GATA6: variants seen among roughly 807,000 people sequenced by gnomAD.
The protein encoded by GATA6 is GATA binding protein 6.
A neutral mutation model predicts 48.1 loss-of-function variants in GATA6; 11 were observed. The ratio of observed to expected loss-of-function variants is 0.23; its 90% CI spans 0.14 to 0.38. The LOEUF is 0.38. Ranked by LOEUF, GATA6 falls within the 10% of genes least tolerant of loss-of-function variation. The probability of loss-of-function intolerance (pLI) is 1.00; values close to 1 mark genes in which losing one functional copy is unlikely to be tolerated. For missense variants in GATA6, 795 were observed against 850.3 expected, an observed-to-expected ratio of 0.93 and a Z score of 0.81; for synonymous variants, 419 against 396.1, an observed-to-expected ratio of 1.06 and a Z score of -0.69.
chr18:22,193,257 T>A (rs1171677654), intron 6 of GATA6, among the ~76,000 whole-genome samples: 2 of 152,230 alleles, frequency 1.3e-5, no homozygotes, highest in African/African-American at 4.8e-5. Flanking sequence ...TTTTCACATG[T>A]CCTGGTGGAG....
At chr18:22,177,391 G>T (rs1467285609) in intron 3 of GATA6, among the ~76,000 whole-genome samples, 1 of 152,170 alleles carries the variant, frequency 6.6e-6, no homozygotes, top group Non-Finnish European at 1.5e-5. Context: ...AGGGGATGAC[G>T]TCCGTAAATG....
chr18:22,191,048 TG>T (rs2033322557), intron 6 of GATA6, among the ~76,000 whole-genome samples: 1 of 145,126 alleles, frequency 6.9e-6, no homozygotes, highest in East Asian at 2.0e-4. Flanking sequence ...TGTGTGTGTG[TG>T]TGTGTGTGTG....
At chr18:22,193,947 A>G (rs1318334091) in intron 6 of GATA6, among the ~76,000 whole-genome samples, 1 of 151,826 alleles carries the variant, frequency 6.6e-6, no homozygotes, top group Non-Finnish European at 1.5e-5. Context: ...CCTCCCCATT[A>G]TGGGATGTGC....
At chr18:22,177,387 T>A (rs867020921) in intron 3 of GATA6, among the ~76,000 whole-genome samples, 70 of 152,276 alleles carry the variant, frequency 4.6e-4, no homozygotes, top group African/African-American at 1.7e-3. Flanking sequence ...GCGCAGGGGA[T>A]GACGTCCGTA....
chr18:22,172,156 TCGCCCTACGTGGGGG>T lies in GATA6; in HGVS notation c.1017_1031del (p.Tyr340_Pro344del). 7.6e-7 allele frequency: 1 copy of T among 1,313,462 alleles called. No individual in the cohort carries two copies. 81.4% of individuals were successfully genotyped at this position (1,313,462 alleles called of 1,614,324 possible). A position where few individuals can be genotyped will look rare whatever the true frequency, so the allele number is the denominator to read the frequency against. ...CCACCACCACCATCCGAGCCCCTAC[TCGCCCTACGTGGGGG>T]CGCCACTGACGCCTGCCTGGCCCGC... On this transcript the variant is annotated inframe_deletion, in exon 2 of 7. Coordinates refer to ENST00000269216, the MANE Select transcript of GATA6 (RefSeq NM_005257.6). The surrounding 1 kb of genome is among the most constrained non-coding windows in gnomAD (Gnocchi z 5.2).
In GATA6 at chr18:22,171,749, C is replaced by T; in HGVS notation, c.605C>T (p.Pro202Leu). 6.9e-7 allele frequency: 1 copy of T among 1,453,336 alleles called. No individual in the cohort carries two copies. The highest frequency in any genetic ancestry group is 9.0e-7 in the Non-Finnish European group (1 of 1,113,238). 90.0% of individuals were successfully genotyped at this position (1,453,336 alleles called of 1,614,324 possible). Residue 202 changes from proline to leucine, a missense_variant, in exon 2 of 7, where the codon CCG becomes CTG. Transcript: ENST00000269216. The surrounding 1 kb of genome is among the most constrained non-coding windows in gnomAD (Gnocchi z 7.1). Reference sequence around the variant, plus strand: ...GTGGGTTCCATGCTGCCCGGCCTACCGTACCACCTGCAGGGGTCGGGCAGT... The same window carrying T: ...GTGGGTTCCATGCTGCCCGGCCTACTGTACCACCTGCAGGGGTCGGGCAGT... ...TRVGSMLPGLPYHLQGSGSGP... is the reference protein window; with the variant it reads ...TRVGSMLPGLLYHLQGSGSGP...
chr18:22,183,995 T>C (rs2033230594), intron 6 of GATA6, among the ~76,000 whole-genome samples: 1 of 152,196 alleles, frequency 6.6e-6, no homozygotes, highest in Admixed American at 6.5e-5. Context: ...TTATTTGGGG[T>C]ACTTTAAAAT....
At chr18:22,177,236 G>T (rs367855948) in intron 3 of GATA6, 115 bp downstream of exon 3, 1 of 959,438 alleles carries the variant, frequency 1.0e-6, no homozygotes, top group Non-Finnish European at 1.5e-6. Context: ...GGACAGGTGC[G>T]GCCGCTGCGG....
chr18:22,175,221 G>T (rs1384998602), intron 2 of GATA6, among the ~76,000 whole-genome samples: 1 of 152,140 alleles, frequency 6.6e-6, no homozygotes, highest in Non-Finnish European at 1.5e-5. Context: ...GGGAATGAGA[G>T]AGATTTTATT....
At position 22,176,659 on chromosome 18, in the gene GATA6, G is replaced by T. The variant is rs77368833; in HGVS notation, c.1136-296G>T. ...GAGTAGGGGTCAGGGGACTCAAGCC[G>T]ACCTCCCCACCGCTCATCTCGGACT... On this transcript the variant is annotated intron_variant, in intron 2 of 6. Coordinates refer to ENST00000269216, the MANE Select transcript of GATA6 (RefSeq NM_005257.6). 7.1e-3 allele frequency: 2,419 copies of T among 342,056 alleles called. 56 individuals are homozygous for T. Among genetic ancestry groups the T allele is most frequent in the African/African-American group, 0.049 (2,218 of 44,834 alleles). 21.2% of individuals were successfully genotyped at this position (342,056 alleles called of 1,614,324 possible).
intron 6 of GATA6, among the ~76,000 whole-genome samples, chr18:22,197,326 G>A (rs1176157455): frequency 6.6e-6 from 1 of 152,114 alleles, no homozygotes; most frequent in African/African-American, 2.4e-5. Context: ...TGCAGGGATT[G>A]CAGGCGTGGG....
intron 6 of GATA6, among the ~76,000 whole-genome samples, chr18:22,190,277 TA>T (rs146562156): frequency 0.022 from 3,257 of 151,178 alleles, 59 homozygotes; most frequent in Middle Eastern, 0.048. Flanking sequence ...AACATTAAGT[TA>T]AAAAAAAAGT....
intron 6 of GATA6, among the ~76,000 whole-genome samples, chr18:22,193,161 A>AC (rs1568006248): frequency 6.6e-6 from 1 of 152,204 alleles, no homozygotes; most frequent in Non-Finnish European, 1.5e-5. Flanking sequence ...AGTTGAGGTG[A>AC]CGGTGACTCT....
At position 22,182,982 on chromosome 18, in the gene GATA6, C is replaced by T. The variant is rs978211774; in HGVS notation, c.1559C>T (p.Ser520Phe). 10 of 1,614,012 alleles carry T rather than the reference C, an allele frequency of 6.2e-6. No homozygotes were observed. The highest frequency in any genetic ancestry group is 7.6e-6 in the Non-Finnish European group (9 of 1,179,996). The change falls in exon 6 of 7, where the codon TCT becomes TTT. Residue 520 changes from serine (S) to phenylalanine (F), a missense_variant. Coordinates refer to ENST00000269216, the MANE Select transcript of GATA6 (RefSeq NM_005257.6). ...NSIPMTPTST[S>F]SNSDDCSKNT... ...ATTCCCATGACTCCAACTTCCACCT[C>T]TTCTAACTCAGATGATTGCAGCAAA...
chr18:22,174,953 C>T (rs748169453), intron 2 of GATA6, among the ~76,000 whole-genome samples: 3 of 152,016 alleles, frequency 2.0e-5, no homozygotes, highest in African/African-American at 4.8e-5. Flanking sequence ...TAAGCGCCTG[C>T]AGAACTGTGA....
intron 6 of GATA6, among the ~76,000 whole-genome samples, chr18:22,195,948 A>G (rs2033383917): frequency 6.6e-6 from 1 of 152,176 alleles, no homozygotes; most frequent in South Asian, 2.1e-4. Context: ...TTATTTCCTT[A>G]TAATACATTT....
intron 2 of GATA6, among the ~76,000 whole-genome samples, chr18:22,175,143 AT>A (rs201041015): frequency 2.0e-5 from 3 of 151,268 alleles, no homozygotes; most frequent in Admixed American, 1.3e-4. Context: ...TAAAGACAGC[AT>A]TTTTTTTTCC....
At chr18:22,186,472 C>T (rs1316869725) in intron 6 of GATA6, among the ~76,000 whole-genome samples, 1 of 152,178 alleles carries the variant, frequency 6.6e-6, no homozygotes, top group Non-Finnish European at 1.5e-5. Context: ...TAGGCATTCC[C>T]AGCAGGCTTA....
Position 22,185,801 on chromosome 18 carries a change from G to A in GATA6, c.1620+2758G>A, listed in dbSNP as rs571715570. Among the ~76,000 whole-genome samples, 52 of 152,230 alleles carry A rather than the reference G, an allele frequency of 3.4e-4. No homozygotes were observed. Among genetic ancestry groups the A allele is most frequent in the Non-Finnish European group, 6.0e-4 (41 of 67,998 alleles). On this transcript the variant is annotated intron_variant, in intron 6 of 6. Transcript: ENST00000269216. The surrounding 1 kb of genome is among the most constrained non-coding windows in gnomAD (Gnocchi z 4.3). ...CCTGCGTATAACTGTGGATCCCTTC[G>A]CACTTTTTGATGTCCTCTCTGGGTG... is the stretch of plus-strand genomic sequence containing the variant.
Sources: gnomAD v4.1 joint callset for allele counts (sites outside exome capture counted in the v4.1 genomes callset) on GRCh38, gnomAD v4.1.1 for gene constraint, Gnocchi (gnomAD v3.1) non-coding constraint, MANE v1.5 for transcripts, NCBI Gene and HGNC (gene_info 2026-07-23, HGNC 2026-07-21) for gene names.